The following COMT variants were observed in gnomAD, a reference collection of about 807,000 sequenced individuals.
COMT encodes the protein catechol O-methyltransferase.
A neutral mutation model predicts 18.9 loss-of-function variants in COMT; 13 were observed. That is an observed-to-expected ratio of 0.69 (90% CI 0.45 to 1.09). The LOEUF (loss-of-function observed/expected upper bound fraction) is 1.09, where lower values mean the gene tolerates loss of function less well. Ranked by LOEUF, COMT falls within the 50% of genes least tolerant of loss-of-function variation. COMT has a pLI of 0.00. For missense variants in COMT, 329 were observed against 361.8 expected, an observed-to-expected ratio of 0.91 and a Z score of 0.73; for synonymous variants, 150 against 160.9, an observed-to-expected ratio of 0.93 and a Z score of 0.51.
chr22:19,952,953 AAAAT>A (rs368190455), intron 1 of COMT, among the ~76,000 whole-genome samples: 15,278 of 139,390 alleles, frequency 0.11, 984 homozygotes, highest in East Asian at 0.23. Flanking sequence ...CCCGTCTCAA[AAAAT>A]AAATAAATAA....
At position 19,968,960 on chromosome 22, in the gene COMT, T is replaced by A. The variant is rs1307756352; in HGVS notation, c.*224T>A. The A allele has an allele frequency of 3.7e-6, 2 of 544,844 alleles. No homozygotes were observed. The highest frequency in any genetic ancestry group is 6.6e-6 in the Non-Finnish European group (2 of 303,220). The allele number at this position is 544,844 out of a possible 1,614,324, so 33.8% of individuals were successfully genotyped here. On this transcript the variant is annotated 3_prime_UTR_variant, in exon 6 of 6. Transcript: ENST00000361682. ...CTTTACTAACACTGGCTAGCTATAT[T>A]ATCTTATATACTAATATCATGTTTT...
rs4646313 is a variant in COMT at position 19,963,486 on chromosome 22, G to A, written c.290-80G>A. On this transcript the variant is annotated intron_variant, in intron 3 of 5. Transcript: ENST00000361682. ...GGAGGGGCTCCTGCTCTTTGGGAGAGGTGGGGGGCCGTGCCTGGGGATCCA... is the reference window on the plus strand; with the variant it reads ...GGAGGGGCTCCTGCTCTTTGGGAGAAGTGGGGGGCCGTGCCTGGGGATCCA... 736 of 1,518,964 alleles carry A rather than the reference G, an allele frequency of 4.8e-4. 7 individuals are homozygous for A. The East Asian group carries it at 0.015, about 32-fold the overall frequency. The allele number at this position is 1,518,964 out of a possible 1,614,324, so 94.1% of individuals were successfully genotyped here. A position where few individuals can be genotyped will look rare whatever the true frequency, so the allele number is the denominator to read the frequency against.
intron 1 of COMT, among the ~76,000 whole-genome samples, chr22:19,942,203 TG>T (rs1941746759): frequency 6.6e-6 from 1 of 152,182 alleles, no homozygotes; most frequent in South Asian, 2.1e-4. Context: ...AAGACTGGGT[TG>T]GGGGTCCAGA....
At position 19,969,096 on chromosome 22, in the gene COMT, A is replaced by C; in HGVS notation, c.*360A>C. On this transcript the variant is annotated 3_prime_UTR_variant, in exon 6 of 6. Transcript: ENST00000361682. ...CCCTTGACTTGGGCACCAAACATTC[A>C]AAGCTCCCCTTGACGGACGCTAACG... 1 of 237,856 alleles carries C rather than the reference A, an allele frequency of 4.2e-6. No individual in the cohort carries two copies. Among genetic ancestry groups the C allele is most frequent in the Non-Finnish European group, 8.5e-6 (1 of 117,802 alleles). The allele number at this position is 237,856 out of a possible 1,614,324, so 14.7% of individuals were successfully genotyped here.
intron 1 of COMT, among the ~76,000 whole-genome samples, chr22:19,943,279 C>T (rs1569122743): frequency 6.6e-6 from 1 of 152,188 alleles, no homozygotes; most frequent in Non-Finnish European, 1.5e-5. Context: ...AAACTACCAG[C>T]GGGACCATCT....
intron 1 of COMT, among the ~76,000 whole-genome samples, chr22:19,944,050 C>A (rs1043451601): frequency 6.6e-6 from 1 of 151,974 alleles, no homozygotes; most frequent in Non-Finnish European, 1.5e-5. Flanking sequence ...ATCCTGGGGG[C>A]AAAGGGCAGC....
At chr22:19,946,806 G>C (rs1941842549) in intron 1 of COMT, among the ~76,000 whole-genome samples, 1 of 151,338 alleles carries the variant, frequency 6.6e-6, no homozygotes, top group Non-Finnish European at 1.5e-5. Context: ...GTATTCACCA[G>C]TTTGTGGGAA....
rs769293375 is a variant in COMT, at chr22:19,963,730, ATGG to A, written c.458_460del (p.Val153del). ...CGACTGTGCCGCCATCACCCAGCGG[ATGG>A]TGGATTTCGCTGGCGTGAAGGACAA... is the stretch of plus-strand genomic sequence containing the variant. On this transcript the variant is annotated inframe_deletion, in exon 4 of 6. Coordinates refer to ENST00000361682, the MANE Select transcript of COMT (RefSeq NM_000754.4). 6.2e-7 allele frequency: 1 copy of A among 1,612,506 alleles called. No homozygotes were observed. Among genetic ancestry groups the A allele is most frequent in the East Asian group, 2.2e-5 (1 of 44,884 alleles).
intron 5 of COMT, chr22:19,967,189 C>T (rs1461239596): frequency 4.6e-6 from 6 of 1,304,816 alleles, no homozygotes; most frequent in African/African-American, 1.5e-5. Flanking sequence ...GTCTTTCAGT[C>T]CGCTGACGTC....
At position 19,968,731 on chromosome 22, in the gene COMT, C is replaced by A; in HGVS notation, c.811C>A (p.Pro271Thr). 1 of 1,569,054 alleles carries A rather than the reference C, an allele frequency of 6.4e-7. No homozygotes were observed. Residue 271 changes from proline (P) to threonine (T), a missense_variant, in exon 6 of 6, where the codon CCC becomes ACC. Physicochemically the swap from Pro to Thr is conservative, Grantham distance 38. Coordinates refer to ENST00000361682, the MANE Select transcript of COMT (RefSeq NM_000754.4). Reference sequence around the variant, plus strand: ...CAAGGGCCCAGGCAGCGAAGCAGGGCCCTGACTGCCCCCCCGGCCCCCCTC... The same window carrying A: ...CAAGGGCCCAGGCAGCGAAGCAGGGACCTGACTGCCCCCCCGGCCCCCCTC... ...IYKGPGSEAG[P>T]
intron 1 of COMT, among the ~76,000 whole-genome samples, chr22:19,950,458 A>G (rs1439977133): frequency 1.3e-5 from 2 of 151,990 alleles, no homozygotes; most frequent in Non-Finnish European, 2.9e-5. Flanking sequence ...ATGTGAGGGG[A>G]AGGCTTTCTA....
chr22:19,959,314 T>C (rs979973492), intron 1 of COMT, among the ~76,000 whole-genome samples: 1 of 152,254 alleles, frequency 6.6e-6, no homozygotes, highest in African/African-American at 2.4e-5. Flanking sequence ...TTGCCTGCTC[T>C]TTCGTCCTGC....
intron 1 of COMT, among the ~76,000 whole-genome samples, chr22:19,952,431 A>T (rs972008256): frequency 6.6e-6 from 1 of 152,090 alleles, no homozygotes; most frequent in Non-Finnish European, 1.5e-5. Flanking sequence ...TGAGGTCAGG[A>T]GATCGAGACC....
At chr22:19,949,657 G>A (rs1257555175) in intron 1 of COMT, among the ~76,000 whole-genome samples, 1 of 151,792 alleles carries the variant, frequency 6.6e-6, no homozygotes, top group African/African-American at 2.4e-5. Context: ...GAGTGCAGTG[G>A]CACAATCAGG....
At chr22:19,963,792 A>G (rs199939709) in intron 4 of COMT, 33 bp downstream of exon 4, 2 of 1,598,878 alleles carry the variant, frequency 1.3e-6, no homozygotes, top group Non-Finnish European at 1.7e-6. Context: ...CAGACCTGGA[A>G]AAAGGGCCGG....
chr22:19,946,320 C>G (rs192082627), intron 1 of COMT, among the ~76,000 whole-genome samples: 2 of 152,194 alleles, frequency 1.3e-5, no homozygotes, highest in African/African-American at 4.8e-5. Context: ...AACCCTGTCT[C>G]TACCAAAAAA....
intron 1 of COMT, among the ~76,000 whole-genome samples, chr22:19,950,261 T>TTTTTTTTTTC (rs763598655): frequency 7.5e-6 from 1 of 132,722 alleles, no homozygotes; most frequent in Non-Finnish European, 1.6e-5. Context: ...TTTTTTTTTT[T>TTTTTTTTTTC]TTCTGTAGAG....
At chr22:19,953,523 G>C (rs1216951010) in intron 1 of COMT, among the ~76,000 whole-genome samples, 1 of 152,146 alleles carries the variant, frequency 6.6e-6, no homozygotes, top group African/African-American at 2.4e-5. Context: ...TCCAACTCCA[G>C]ACCTTGTGAT....
chr22:19,963,237 C>G, intron 3 of COMT: 1 of 509,644 alleles, frequency 2.0e-6, no homozygotes, highest in Non-Finnish European at 3.5e-6. Context: ...GTGGGCGGTT[C>G]GGTGATTCAG....
Sources: allele counts gnomAD v4.1 joint callset (sites outside exome capture counted in the v4.1 genomes callset), GRCh38; gene constraint gnomAD v4.1.1; transcripts MANE v1.5; gene names NCBI Gene and HGNC (gene_info 2026-07-23, HGNC 2026-07-21).